Variants in PAH observed in about 807,000 individuals in gnomAD.
PAH encodes the protein phenylalanine hydroxylase.
In PAH, 64 loss-of-function variants were observed where a neutral mutation model predicts 62.0. That is an observed-to-expected ratio of 1.03 (90% CI 0.84 to 1.27). The LOEUF is 1.27. Among genes scored for constraint, PAH ranks in the 50% most tolerant of loss-of-function variants. The pLI, the probability that PAH is intolerant of heterozygous loss-of-function variation, is 0.00. For synonymous variants in PAH, 195 were observed against 196.2 expected, an observed-to-expected ratio of 0.99 and a Z score of 0.05; for missense variants, 579 against 542.8, an observed-to-expected ratio of 1.07 and a Z score of -0.66.
exon 1 of PAH, chr12:102,958,276 G>A: frequency 6.8e-7 from 1 of 1,474,722 alleles, no homozygotes; most frequent in Non-Finnish European, 8.9e-7. Flanking sequence ...GAGAGCGGCG[G>A]CGCCGGCCAG....
chr12:102,917,263 C>G, upstream of PAH: 1 of 773,254 alleles, frequency 1.3e-6, no homozygotes. Context: ...GTGTCTCTTG[C>G]GTGGTGCATC....
chr12:102,893,376 G>T (rs1327484859), intron 3 of PAH, among the ~76,000 whole-genome samples: 2 of 151,076 alleles, frequency 1.3e-5, no homozygotes, highest in Non-Finnish European at 2.9e-5. Flanking sequence ...CTCCAGCCTG[G>T]GCAACAAGAA....
In PAH at chr12:102,936,683, TA is replaced by T. The variant is rs374129331; in HGVS notation, c.-96+13905del. On this transcript the variant is annotated intron_variant, in intron 1 of 3. Coordinates refer to the PAH transcript ENST00000546844. ...TTTCTATCTGGAAATATATTTTGTC[TA>T]AATGTAGCTACTCCTTCTCTTTTTC... Among the ~76,000 whole-genome samples the T allele has an allele frequency of 1.1e-3, 168 of 152,360 alleles. 1 individual carries two copies. The highest frequency in any genetic ancestry group is 3.9e-3 in the African/African-American group (162 of 41,588).
intron 2 of PAH, among the ~76,000 whole-genome samples, chr12:102,911,679 C>T (rs983479030): frequency 6.6e-6 from 1 of 152,206 alleles, no homozygotes; most frequent in Non-Finnish European, 1.5e-5. Context: ...GGCAGTTTCT[C>T]TTCCTTACAA....
intron 3 of PAH, among the ~76,000 whole-genome samples, chr12:102,883,984 G>A (rs992113825): frequency 2.0e-5 from 3 of 152,216 alleles, no homozygotes; most frequent in African/African-American, 7.2e-5. Context: ...TTAGAATGGT[G>A]TCTGGCACAC....
At chr12:102,846,874 C>T in intron 9 of PAH, 21 bp downstream of exon 9, 1 of 1,607,776 alleles carries the variant, frequency 6.2e-7, no homozygotes, top group Non-Finnish European at 8.5e-7. Flanking sequence ...CACCATCCAC[C>T]CAGGGAGAGA....
intron 4 of PAH, among the ~76,000 whole-genome samples, chr12:102,868,954 C>G (rs1475707871): frequency 6.6e-6 from 1 of 152,198 alleles, no homozygotes; most frequent in Non-Finnish European, 1.5e-5. Flanking sequence ...AGGTCCATTT[C>G]TATATTTTGG....
intron 2 of PAH, among the ~76,000 whole-genome samples, chr12:102,912,508 C>T (rs1333158324): frequency 6.6e-6 from 1 of 152,046 alleles, no homozygotes; most frequent in Non-Finnish European, 1.5e-5. Context: ...TGCCTAATCA[C>T]ACATATGATT....
intron 9 of PAH, 59 bp from the exon 10 acceptor site, chr12:102,844,490 T>C: frequency 9.0e-7 from 1 of 1,116,078 alleles, no homozygotes; most frequent in South Asian, 1.3e-5. Context: ...ATGTGTCACC[T>C]TGACTGGATG....
intron 4 of PAH, among the ~76,000 whole-genome samples, chr12:102,866,920 C>A (rs1876001894): frequency 6.6e-6 from 1 of 152,194 alleles, no homozygotes; most frequent in South Asian, 2.1e-4. Context: ...CTTAAAGAAA[C>A]CTCATCTACA....
intron 5 of PAH, among the ~76,000 whole-genome samples, chr12:102,865,623 G>A (rs1875922280): frequency 6.6e-6 from 1 of 152,186 alleles, no homozygotes; most frequent in Non-Finnish European, 1.5e-5. Flanking sequence ...TCAGGAAAGG[G>A]AGGTCACCAT....
Position 102,924,826 on chromosome 12 carries a change from C to T in PAH, c.-95-7601G>A, listed in dbSNP as rs1878643348. Among the ~76,000 whole-genome samples the T allele has an allele frequency of 1.3e-5, 2 of 152,094 alleles. 1 individual carries two copies. Among genetic ancestry groups the T allele is most frequent in the South Asian group, 4.1e-4 (2 of 4,836 alleles). ...CATGGACTTGGGGGACAAGGAGAATCAATGAAAATATGGACCTCATGTTGC... is the reference window on the plus strand; with the variant it reads ...CATGGACTTGGGGGACAAGGAGAATTAATGAAAATATGGACCTCATGTTGC... On this transcript the variant is annotated intron_variant, in intron 1 of 3. Coordinates refer to the PAH transcript ENST00000546844.
At chr12:102,882,570 G>C (rs572694832) in intron 3 of PAH, among the ~76,000 whole-genome samples, 3 of 144,004 alleles carry the variant, frequency 2.1e-5, no homozygotes, top group Non-Finnish European at 4.5e-5. Flanking sequence ...TTACATATGT[G>C]TGTATGTATA....
At chr12:102,857,841 GAAC>G (rs1251387206) in intron 5 of PAH, among the ~76,000 whole-genome samples, 1 of 152,138 alleles carries the variant, frequency 6.6e-6, no homozygotes, top group African/African-American at 2.4e-5. Context: ...ACATGGAAAG[GAAC>G]AACTGGTACC....
chr12:102,931,940 A>G (rs1306942634), intron 1 of PAH, among the ~76,000 whole-genome samples: 1 of 152,170 alleles, frequency 6.6e-6, no homozygotes, highest in Non-Finnish European at 1.5e-5. Context: ...TAAATGAAGC[A>G]GACACAGCCC....
chr12:102,878,225 T>C (rs1169624507), intron 3 of PAH, among the ~76,000 whole-genome samples: 1 of 152,216 alleles, frequency 6.6e-6, no homozygotes, highest in African/African-American at 2.4e-5. Flanking sequence ...TCCCATTATG[T>C]GTTTCCCTCC....
chr12:102,899,332 C>T (rs1205558041), intron 2 of PAH, among the ~76,000 whole-genome samples: 3 of 152,168 alleles, frequency 2.0e-5, no homozygotes, highest in African/African-American at 7.2e-5. Context: ...CCATAGGATA[C>T]AGTGCTCATC....
chr12:102,905,842 A>T (rs989544382), intron 2 of PAH, among the ~76,000 whole-genome samples: 1 of 151,456 alleles, frequency 6.6e-6, no homozygotes, highest in African/African-American at 2.4e-5. Context: ...AAAAAAAAAA[A>T]TTCAAGAATA....
At chr12:102,891,712 C>T (rs1006140249) in intron 3 of PAH, among the ~76,000 whole-genome samples, 1 of 152,154 alleles carries the variant, frequency 6.6e-6, no homozygotes. Flanking sequence ...GCCGTGCTTC[C>T]TGAATCTGCA....
Sources: allele counts gnomAD v4.1 joint callset (sites outside exome capture counted in the v4.1 genomes callset), GRCh38; gene constraint gnomAD v4.1.1; transcripts MANE v1.5; gene names NCBI Gene and HGNC (gene_info 2026-07-23, HGNC 2026-07-21).